The following DLGAP2 variants were observed in gnomAD, a reference collection of about 807,000 sequenced individuals.
DLGAP2 encodes the protein disks large-associated protein 2.
A neutral mutation model predicts 100.3 loss-of-function variants in DLGAP2; 26 were observed. The observed-to-expected ratio is 0.26, with a 90% CI of 0.19 to 0.36. DLGAP2 has a LOEUF of 0.36. DLGAP2 is among the 10% of genes least tolerant of loss of function. DLGAP2 has a pLI of 1.00. For synonymous variants in DLGAP2, 886 were observed against 630.1 expected (o/e 1.41, Z -6.08); for missense variants, 1,858 against 1,453.2 (o/e 1.28, Z -4.53).
intron 1 of DLGAP2, among the ~76,000 whole-genome samples, chr8:811,836 C>T (rs143590698): frequency 1.9e-4 from 29 of 152,382 alleles, no homozygotes; most frequent in East Asian, 1.7e-3. Context: ...AAATAAACCA[C>T]GGCTTCGCTG....
intron 3 of DLGAP2, among the ~76,000 whole-genome samples, chr8:1,449,061 C>G (rs936876794): frequency 6.6e-6 from 1 of 152,054 alleles, no homozygotes; most frequent in Non-Finnish European, 1.5e-5. Flanking sequence ...ACATCCCGGC[C>G]CCCCAGAGCA....
chr8:1,434,033 G>GA (rs1229239100), intron 3 of DLGAP2, among the ~76,000 whole-genome samples: 1 of 152,158 alleles, frequency 6.6e-6, no homozygotes, highest in Non-Finnish European at 1.5e-5. Flanking sequence ...TGCCCTGCAA[G>GA]AAAGTGTTTT....
At chr8:868,723 G>T (rs1204031062) in intron 1 of DLGAP2, among the ~76,000 whole-genome samples, 1 of 152,180 alleles carries the variant, frequency 6.6e-6, no homozygotes, top group Non-Finnish European at 1.5e-5. Flanking sequence ...CTGCAGCCCT[G>T]TCTGTCACCT....
chr8:1,683,954 G>GTTTATATATATATATATA (rs1450063590), intron 12 of DLGAP2, among the ~76,000 whole-genome samples: 1 of 74,754 alleles, frequency 1.3e-5, no homozygotes, highest in Non-Finnish European at 2.3e-5. Context: ...ATATATGTGT[G>GTTTATATATATATATATA]TATATATATA....
chr8:1,549,170 C>T lies in DLGAP2; in HGVS notation c.717C>T (p.Leu239=). 1 of 1,599,458 alleles carries T rather than the reference C, an allele frequency of 6.3e-7. No individual in the cohort carries two copies. Residue 239 remains leucine, a synonymous_variant, in exon 5 of 15, where the codon CTC becomes CTT. Coordinates refer to ENST00000637795, the MANE Select transcript of DLGAP2 (RefSeq NM_001346810.2). ...ACCTGGTACACTCCGTGCAGAAGCTCTTCACCAAGTCGCACTCGCTGGAGG... is the reference window on the plus strand; with the variant it reads ...ACCTGGTACACTCCGTGCAGAAGCTTTTCACCAAGTCGCACTCGCTGGAGG... ...IRHLVHSVQK[L]FTKSHSLEGS...
intron 2 of DLGAP2, among the ~76,000 whole-genome samples, chr8:1,022,465 C>T (rs1410333284): frequency 2.0e-5 from 3 of 148,184 alleles, no homozygotes; most frequent in African/African-American, 5.0e-5. Flanking sequence ...GTAGACACTC[C>T]AGCCGCCATC....
intron 3 of DLGAP2, among the ~76,000 whole-genome samples, chr8:1,344,760 C>G (rs150618016): frequency 1.2e-3 from 178 of 152,298 alleles, no homozygotes; most frequent in African/African-American, 4.2e-3. Context: ...TGCACTCCTC[C>G]TTGGGGATCA....
chr8:1,031,195 A>G (rs1242408800), intron 2 of DLGAP2, among the ~76,000 whole-genome samples: 1 of 151,988 alleles, frequency 6.6e-6, no homozygotes, highest in Non-Finnish European at 1.5e-5. Context: ...GTACACACTC[A>G]GTGTCCTTTA....
intron 4 of DLGAP2, among the ~76,000 whole-genome samples, chr8:1,519,707 A>G (rs534558568): frequency 6.6e-6 from 1 of 152,224 alleles, no homozygotes; most frequent in African/African-American, 2.4e-5. Context: ...TGGGATCCGT[A>G]TGCACTTGCC....
intron 10 of DLGAP2, among the ~76,000 whole-genome samples, chr8:1,670,592 C>G (rs73672918): frequency 0.15 from 22,820 of 152,130 alleles, 2,113 homozygotes; most frequent in East Asian, 0.43. Flanking sequence ...GTTGGGTAAG[C>G]GAGTGGACGG....
At position 1,624,533 on chromosome 8, in the gene DLGAP2, T is replaced by A. The variant is rs568007379; in HGVS notation, c.1443-2207T>A. 2.8e-4 allele frequency among the ~76,000 whole-genome samples: 42 copies of A among 151,842 alleles called. No homozygotes were observed. The Middle Eastern group carries it at 0.01, about 37-fold the overall frequency. Reference sequence around the variant, plus strand: ...GCATCCATCAACCTGAGCCTGAAACTTGTGACCGTGTCTCAGGATGCTGTT... The same window carrying A: ...GCATCCATCAACCTGAGCCTGAAACATGTGACCGTGTCTCAGGATGCTGTT... On this transcript the variant is annotated intron_variant, in intron 6 of 14. Transcript: ENST00000637795.
At chr8:1,320,686 C>A (rs1343462296) in intron 3 of DLGAP2, among the ~76,000 whole-genome samples, 3 of 152,186 alleles carry the variant, frequency 2.0e-5, no homozygotes, top group Non-Finnish European at 4.4e-5. Flanking sequence ...TAGCTTTGAA[C>A]CAGCTGCCAC....
chr8:1,549,288 A>C lies in DLGAP2; in HGVS notation c.835A>C (p.Lys279Gln). The change falls in exon 5 of 15, where the codon AAG becomes CAG. Residue 279 changes from lysine (K) to glutamine (Q), a missense_variant. Physicochemically the swap from Lys to Gln is moderately conservative, Grantham distance 53. Coordinates refer to ENST00000637795, the MANE Select transcript of DLGAP2 (RefSeq NM_001346810.2). ...CCACGCCAAGCACAGCAAGAGGAGCAAGAGCAAGGAGCGCAAGCCGGAGGG... is the reference window on the plus strand; with the variant it reads ...CCACGCCAAGCACAGCAAGAGGAGCCAGAGCAAGGAGCGCAAGCCGGAGGG... Reference protein sequence around the residue: ...AHHAKHSKRSKSKERKPEGKP... With the variant: ...AHHAKHSKRSQSKERKPEGKP... The C allele has an allele frequency of 6.2e-7, 1 of 1,612,304 alleles. No individual in the cohort carries two copies. The highest frequency in any genetic ancestry group is 8.5e-7 in the Non-Finnish European group (1 of 1,179,638).
chr8:1,376,494 G>A lies in DLGAP2; in HGVS notation c.106+117611G>A, dbSNP rs537343137. On this transcript the variant is annotated intron_variant, in intron 3 of 14. Transcript: ENST00000637795. ...CCTGCGCTTCAGAACTCAGAGCTCC[G>A]ACGGAGCTGGAGGCCGTGCTGGTAC... is the stretch of plus-strand genomic sequence containing the variant. Among the ~76,000 whole-genome samples the A allele has an allele frequency of 2.1e-4, 32 of 152,374 alleles. No homozygotes were observed. In the South Asian group the frequency reaches 2.9e-3, roughly 14 times the overall value.
chr8:1,454,953 CG>C (rs1308228254), intron 3 of DLGAP2, among the ~76,000 whole-genome samples: 1 of 152,130 alleles, frequency 6.6e-6, no homozygotes, highest in Admixed American at 6.5e-5. Flanking sequence ...CCCCGCCCAT[CG>C]GGCCCCCAGT....
intron 1 of DLGAP2, among the ~76,000 whole-genome samples, chr8:849,020 A>G (rs1797128496): frequency 6.7e-6 from 1 of 150,040 alleles, no homozygotes; most frequent in South Asian, 2.2e-4. Context: ...CTGTTCCAGT[A>G]TAGGAATGTG....
intron 1 of DLGAP2, among the ~76,000 whole-genome samples, chr8:857,160 C>T (rs540091845): frequency 1.3e-5 from 2 of 152,322 alleles, no homozygotes; most frequent in Non-Finnish European, 2.9e-5. Flanking sequence ...GCAATGGGAC[C>T]TCCATGTGCA....
At chr8:1,514,746 TGGAG>T (rs1447772057) in intron 4 of DLGAP2, among the ~76,000 whole-genome samples, 1 of 151,954 alleles carries the variant, frequency 6.6e-6, no homozygotes, top group African/African-American at 2.4e-5. Context: ...ACGCTGCAGG[TGGAG>T]GCCCAAGCTC....
At chr8:829,234 A>G (rs970920445) in intron 1 of DLGAP2, among the ~76,000 whole-genome samples, 1 of 152,208 alleles carries the variant, frequency 6.6e-6, no homozygotes, top group African/African-American at 2.4e-5. Flanking sequence ...TGGAGGCAGA[A>G]TGTGTAAAAA....
Sources: allele counts gnomAD v4.1 joint callset (sites outside exome capture counted in the v4.1 genomes callset), GRCh38; gene constraint gnomAD v4.1.1; transcripts MANE v1.5; gene names NCBI Gene and HGNC (gene_info 2026-07-23, HGNC 2026-07-21).